The following SAP30BP variants were observed in gnomAD, a reference collection of about 807,000 sequenced individuals.
SAP30BP encodes the protein SAP30-binding protein.
SAP30BP carries 31 observed loss-of-function variants against 46.3 expected under a neutral mutation model. The ratio of observed to expected loss-of-function variants is 0.67; its 90% confidence interval spans 0.50 to 0.90. The LOEUF is 0.90. SAP30BP is among the 40% of genes least tolerant of loss of function. The probability of loss-of-function intolerance (pLI) is 0.00; values close to 1 mark genes in which losing one functional copy is unlikely to be tolerated. For missense variants in SAP30BP, 312 were observed against 391.0 expected (o/e 0.80, Z 1.70); for synonymous variants, 169 against 144.2 (o/e 1.17, Z -1.23).
intron 4 of SAP30BP, 131 bp from the exon 5 acceptor site, chr17:75,699,652 A>G: frequency 1.6e-6 from 1 of 614,832 alleles, no homozygotes; most frequent in Admixed American, 2.5e-5. Context: ...GCCACATCCG[A>G]ACACTCAGTT....
chr17:75,667,467 G>A lies in SAP30BP; in HGVS notation c.95G>A (p.Gly32Asp). The change falls in exon 1 of 11, where the codon GGC becomes GAC. Residue 32 changes from glycine to aspartate, a missense_variant. Physicochemically the swap from Gly to Asp is moderately conservative, Grantham distance 94 (BLOSUM62 -1). Coordinates refer to ENST00000584667, the MANE Select transcript of SAP30BP (RefSeq NM_013260.8). ...GGCGAGGCTGGAATCGAGGCGGTGG[G>A]CAGCGCGGCTGGTAAGGCCCAAGTG... ...SDGEAGIEAV[G>D]SAAEEKGGLV... 6.2e-7 allele frequency: 1 copy of A among 1,614,118 alleles called. No individual in the cohort carries two copies. Among genetic ancestry groups the A allele is most frequent in the African/African-American group, 1.3e-5 (1 of 75,068 alleles).
chr17:75,678,491 C>T (rs1481584051), intron 3 of SAP30BP, among the ~76,000 whole-genome samples: 1 of 151,564 alleles, frequency 6.6e-6, no homozygotes. Context: ...CACACACACA[C>T]ACAATTGGAG....
At chr17:75,677,716 G>A (rs9912282) in intron 3 of SAP30BP, among the ~76,000 whole-genome samples, 68,668 of 145,092 alleles carry the variant, frequency 0.47, 18,404 homozygotes, top group Non-Finnish European at 0.6. Context: ...ATAGTGCTGG[G>A]ATTACAGGCA....
intron 3 of SAP30BP, chr17:75,672,085 A>G (rs145430699): frequency 2.9e-5 from 16 of 547,824 alleles, no homozygotes; most frequent in African/African-American, 1.5e-4. Flanking sequence ...AGATTGTGCC[A>G]TATCTCCTGA....
intron 4 of SAP30BP, among the ~76,000 whole-genome samples, chr17:75,697,903 C>G (rs1024100080): frequency 2.0e-5 from 3 of 152,190 alleles, no homozygotes; most frequent in Non-Finnish European, 2.9e-5. Context: ...GCTGGCTGTG[C>G]GAAGCCAGCC....
At chr17:75,703,692 C>T (rs2060450082) in intron 7 of SAP30BP, 116 bp from the exon 8 acceptor site, 1 of 916,722 alleles carries the variant, frequency 1.1e-6, no homozygotes, top group African/African-American at 1.6e-5. Context: ...CCAAAGATGA[C>T]AGCCGAGCCC....
intron 3 of SAP30BP, among the ~76,000 whole-genome samples, chr17:75,672,854 C>G (rs1256347863): frequency 6.6e-6 from 1 of 151,902 alleles, no homozygotes; most frequent in Non-Finnish European, 1.5e-5. Flanking sequence ...ATCCCAGCTA[C>G]TGGGGAAGCT....
chr17:75,669,282 C>T (rs900818935), intron 2 of SAP30BP, among the ~76,000 whole-genome samples: 36 of 151,848 alleles, frequency 2.4e-4, no homozygotes, highest in African/African-American at 6.8e-4. Flanking sequence ...CTTGCTCTGT[C>T]GCCCATGCTG....
chr17:75,695,038 T>C (rs946321241), intron 4 of SAP30BP, among the ~76,000 whole-genome samples: 2 of 152,198 alleles, frequency 1.3e-5, no homozygotes, highest in African/African-American at 4.8e-5. Flanking sequence ...AAATGTTCCC[T>C]TGTGCCCCGA....
chr17:75,677,724 G>C (rs2060013914), intron 3 of SAP30BP, among the ~76,000 whole-genome samples: 1 of 148,534 alleles, frequency 6.7e-6, no homozygotes, highest in South Asian at 2.1e-4. Context: ...GGGATTACAG[G>C]CATGGGAATC....
intron 3 of SAP30BP, chr17:75,693,141 G>A: frequency 5.6e-6 from 2 of 357,044 alleles, no homozygotes; most frequent in East Asian, 5.8e-5. Flanking sequence ...ACGTTGCCCA[G>A]TTGGCTGCAG....
At chr17:75,704,605 C>T (rs534595862) in intron 8 of SAP30BP, 151 bp from the exon 9 acceptor site, 1 of 682,812 alleles carries the variant, frequency 1.5e-6, no homozygotes, top group Admixed American at 2.1e-5. Context: ...CCTATGCCGA[C>T]CAAGGGCTGG....
intron 3 of SAP30BP, among the ~76,000 whole-genome samples, chr17:75,682,730 A>G (rs6501829): frequency 2.0e-5 from 3 of 151,970 alleles, no homozygotes; most frequent in Non-Finnish European, 4.4e-5. Flanking sequence ...TTGGGAGGCC[A>G]AGGCGGGCGA....
chr17:75,700,078 C>T (rs2060384909), intron 5 of SAP30BP: 2 of 403,394 alleles, frequency 5.0e-6, no homozygotes, highest in African/African-American at 2.0e-5. Flanking sequence ...CCGCCATGTC[C>T]CGTGGTGCTG....
intron 3 of SAP30BP, among the ~76,000 whole-genome samples, chr17:75,680,671 G>T (rs910493759): frequency 5.3e-5 from 8 of 152,224 alleles, no homozygotes; most frequent in Admixed American, 5.2e-4. Context: ...TAGGTTAGAA[G>T]GCGCCACGAT....
Position 75,704,829 on chromosome 17 carries a change from A to C in SAP30BP, c.660+15A>C. 6.2e-7 allele frequency: 1 copy of C among 1,607,566 alleles called. No individual in the cohort carries two copies. Among genetic ancestry groups the C allele is most frequent in the South Asian group, 1.1e-5 (1 of 90,970 alleles). ...AGCGAACAAAAGTAAGTGATGGCAGACCTCCTAGATGAAAAAGGCACATGT... is the reference window on the plus strand; with the variant it reads ...AGCGAACAAAAGTAAGTGATGGCAGCCCTCCTAGATGAAAAAGGCACATGT... On this transcript the variant is annotated intron_variant, in intron 9 of 10. Transcript: ENST00000584667.
intron 4 of SAP30BP, among the ~76,000 whole-genome samples, chr17:75,698,769 C>T (rs1002834739): frequency 3.9e-5 from 6 of 152,208 alleles, no homozygotes; most frequent in African/African-American, 1.4e-4. Context: ...TGAAATTGGC[C>T]ATGGCAGGAG....
Position 75,706,701 on chromosome 17 carries a change from A to C in SAP30BP, c.*180A>C. 5 of 623,722 alleles carry C rather than the reference A, an allele frequency of 8.0e-6. No homozygotes were observed. In the South Asian group the frequency reaches 9.7e-5, roughly 12 times the overall value. 38.6% of individuals were successfully genotyped at this position (623,722 alleles called of 1,614,324 possible). A position where few individuals can be genotyped will look rare whatever the true frequency, so the allele number is the denominator to read the frequency against. On this transcript the variant is annotated 3_prime_UTR_variant, in exon 11 of 11. Coordinates refer to ENST00000584667, the MANE Select transcript of SAP30BP (RefSeq NM_013260.8). The surrounding 1 kb of genome is among the most constrained non-coding windows in gnomAD (Gnocchi z 4.6). The stretch of plus-strand genomic sequence containing the variant: ...AGCACGGGAGCCAGGCGCTGTGGAC[A>C]GGGTCTGTCCACGCACCACCTGGGG...
intron 3 of SAP30BP, among the ~76,000 whole-genome samples, chr17:75,678,463 AACACACAC>A (rs59943167): frequency 1.1e-4 from 16 of 147,648 alleles, no homozygotes; most frequent in South Asian, 6.5e-4. Flanking sequence ...CACAATTTAA[AACACACAC>A]ACACACACAC....
Sources: gnomAD v4.1 joint callset for allele counts (sites outside exome capture counted in the v4.1 genomes callset) on GRCh38, gnomAD v4.1.1 for gene constraint, Gnocchi (gnomAD v3.1) non-coding constraint, MANE v1.5 for transcripts, NCBI Gene and HGNC (gene_info 2026-07-23, HGNC 2026-07-21) for gene names.